Variants in TRIP12 observed in about 807,000 individuals in gnomAD.
TRIP12 encodes the protein E3 ubiquitin-protein ligase TRIP12.
Under a neutral mutation model 244.2 loss-of-function variants are expected in TRIP12, and 25 were observed. The observed-to-expected ratio is 0.10, with a 90% confidence interval of 0.07 to 0.14. The LOEUF (loss-of-function observed/expected upper bound fraction) is 0.14, where lower values mean the gene tolerates loss of function less well. Among genes scored for constraint, TRIP12 ranks in the 10% least tolerant of loss-of-function variants. TRIP12 has a pLI of 1.00. For synonymous variants in TRIP12, 905 were observed against 873.1 expected (o/e 1.04, Z -0.64); for missense variants, 1,677 against 2,486.4 (o/e 0.67, Z 6.92).
intron 1 of TRIP12, among the ~76,000 whole-genome samples, chr2:229,901,853 G>C (rs1226948963): frequency 1.3e-5 from 2 of 151,956 alleles, no homozygotes; most frequent in African/African-American, 4.8e-5. Context: ...TAGCAGACAG[G>C]GTTCCCTACC....
chr2:229,805,128 A>G (rs1220203769), intron 18 of TRIP12, among the ~76,000 whole-genome samples: 1 of 151,946 alleles, frequency 6.6e-6, no homozygotes, highest in South Asian at 2.1e-4. Context: ...GATGGTCTCC[A>G]TCTCCTGACC....
intron 38 of TRIP12, among the ~76,000 whole-genome samples, chr2:229,773,090 T>C (rs2035040227): frequency 6.6e-6 from 1 of 152,164 alleles, no homozygotes; most frequent in Non-Finnish European, 1.5e-5. Flanking sequence ...CTTTTTTTTT[T>C]TTTGAAATGA....
intron 8 of TRIP12, among the ~76,000 whole-genome samples, chr2:229,820,320 T>C (rs907691775): frequency 1.3e-5 from 2 of 151,874 alleles, no homozygotes; most frequent in Non-Finnish European, 2.9e-5. Flanking sequence ...TCAATACCAA[T>C]AAAACATCTG....
chr2:229,835,858 T>G (rs1387908185), intron 6 of TRIP12, among the ~76,000 whole-genome samples: 2 of 152,112 alleles, frequency 1.3e-5, no homozygotes, highest in African/African-American at 4.8e-5. Context: ...TTTTAATGAG[T>G]TGCAATTAAA....
At chr2:229,837,279 CTG>C in intron 5 of TRIP12, among the ~76,000 whole-genome samples, 1 of 152,174 alleles carries the variant, frequency 6.6e-6, no homozygotes, top group East Asian at 1.9e-4. Flanking sequence ...GTGACTCTTT[CTG>C]CAGAGAAAAT....
At chr2:229,811,095 C>T (rs941682765) in intron 14 of TRIP12, 41 bp downstream of exon 14, 3 of 1,613,496 alleles carry the variant, frequency 1.9e-6, no homozygotes, top group Non-Finnish European at 2.5e-6. Context: ...TTCAGCAATT[C>T]AACAACCTCA....
At chr2:229,872,600 T>C (rs1386760423) in intron 2 of TRIP12, among the ~76,000 whole-genome samples, 1 of 152,038 alleles carries the variant, frequency 6.6e-6, no homozygotes, top group Non-Finnish European at 1.5e-5. Flanking sequence ...ATGAAACAGT[T>C]AATGAAGACA....
chr2:229,805,222 A>AAACAACAACAATAACAACAAC (rs2045562639), intron 18 of TRIP12, among the ~76,000 whole-genome samples: 1 of 149,366 alleles, frequency 6.7e-6, no homozygotes, highest in Non-Finnish European at 1.5e-5. Context: ...GCCCTTTTCA[A>AAACAACAACAATAACAACAAC]AACAACAACA....
At chr2:229,840,708 A>C in intron 5 of TRIP12, 114 bp downstream of exon 5, 1 of 818,334 alleles carries the variant, frequency 1.2e-6, no homozygotes, top group Non-Finnish European at 1.9e-6. Context: ...GTCAAAAAAC[A>C]AAACAAAACA....
chr2:229,922,249 A>C, upstream of TRIP12: 5 of 469,428 alleles, frequency 1.1e-5, no homozygotes, highest in Admixed American at 3.5e-5. Flanking sequence ...GTGGAGATCT[A>C]CTTGGTATCC....
At chr2:229,912,435 A>C (rs936484732) in intron 1 of TRIP12, among the ~76,000 whole-genome samples, 3 of 152,202 alleles carry the variant, frequency 2.0e-5, no homozygotes, top group Non-Finnish European at 4.4e-5. Context: ...CCCATTTAAG[A>C]ACTTCAATAA....
At chr2:229,776,521 T>C (rs1046650437) in intron 37 of TRIP12, among the ~76,000 whole-genome samples, 8 of 152,140 alleles carry the variant, frequency 5.3e-5, no homozygotes, top group African/African-American at 1.9e-4. Flanking sequence ...AATCTTCTAA[T>C]AAAAAGACAC....
chr2:229,824,352 C>T (rs933731842), intron 8 of TRIP12, among the ~76,000 whole-genome samples: 28 of 152,118 alleles, frequency 1.8e-4, no homozygotes, highest in African/African-American at 6.3e-4. Context: ...CTGGTGGAAA[C>T]GCAAAATGGT....
chr2:229,802,573 A>G (rs777919107), intron 20 of TRIP12, 114 bp from the exon 21 acceptor site: 4 of 691,776 alleles, frequency 5.8e-6, no homozygotes, highest in African/African-American at 1.8e-5. Flanking sequence ...AAAGACTAAA[A>G]CATAACTGGC....
At position 229,829,148 on chromosome 2, in the gene TRIP12, T is replaced by C. The variant is rs200903756; in HGVS notation, c.1450+45A>G. On this transcript the variant is annotated intron_variant, in intron 8 of 41. Coordinates refer to ENST00000675903, the MANE Select transcript of TRIP12 (RefSeq NM_001348323.3). ...ATAGGTTACAAGTAACAATAGCAGT[T>C]GGCTAATTATTGAGGGATTTCAGGG... 154 of 1,552,280 alleles carry C rather than the reference T, an allele frequency of 9.9e-5. No homozygotes were observed. In the African/African-American group the frequency reaches 1.7e-3, roughly 17 times the overall value.
At chr2:229,845,895 C>T (rs2057473189) in intron 4 of TRIP12, among the ~76,000 whole-genome samples, 1 of 151,196 alleles carries the variant, frequency 6.6e-6, no homozygotes, top group Non-Finnish European at 1.5e-5. Flanking sequence ...GGTGCGGTGA[C>T]ACAAGCCTGT....
chr2:229,908,638 C>A (rs1355717545), intron 1 of TRIP12, among the ~76,000 whole-genome samples: 2 of 151,706 alleles, frequency 1.3e-5, no homozygotes, highest in Non-Finnish European at 1.5e-5. Flanking sequence ...GAGGCTGAGG[C>A]AGGAGAATGG....
intron 2 of TRIP12, among the ~76,000 whole-genome samples, chr2:229,870,265 A>G (rs565770934): frequency 6.6e-6 from 1 of 152,354 alleles, no homozygotes; most frequent in African/African-American, 2.4e-5. Context: ...TAATAATTCA[A>G]AATGAAAGAG....
intron 1 of TRIP12, among the ~76,000 whole-genome samples, chr2:229,918,513 A>T (rs1391340483): frequency 6.6e-6 from 1 of 152,236 alleles, no homozygotes; most frequent in Non-Finnish European, 1.5e-5. Context: ...AGTCAATTTC[A>T]TTAGAGTCAC....
Sources: allele counts gnomAD v4.1 joint callset (sites outside exome capture counted in the v4.1 genomes callset), GRCh38; gene constraint gnomAD v4.1.1; transcripts MANE v1.5; gene names NCBI Gene and HGNC (gene_info 2026-07-23, HGNC 2026-07-21).